FSTL4: variants seen among roughly 807,000 people sequenced by gnomAD.
FSTL4 encodes follistatin-related protein 4.
In FSTL4, 28 loss-of-function variants were observed where a neutral mutation model predicts 78.2. The ratio of observed to expected loss-of-function variants is 0.36; its 90% CI spans 0.27 to 0.49. FSTL4 has a LOEUF of 0.49. Among genes scored for constraint, FSTL4 ranks in the 20% least tolerant of loss-of-function variants. The pLI, the probability that FSTL4 is intolerant of heterozygous loss-of-function variation, is 0.98. For missense variants in FSTL4, 922 were observed against 1,084.9 expected, an observed-to-expected ratio of 0.85 and a Z score of 2.11; for synonymous variants, 422 against 440.5, an observed-to-expected ratio of 0.96 and a Z score of 0.53.
At chr5:133,582,148 G>A (rs73788162) in intron 2 of FSTL4, among the ~76,000 whole-genome samples, 1 of 152,194 alleles carries the variant, frequency 6.6e-6, no homozygotes, top group Non-Finnish European at 1.5e-5. Flanking sequence ...ACCGATGCCA[G>A]CTCAGTATCC....
At chr5:133,674,810 T>C in the FSTL4 span, among the ~76,000 whole-genome samples, 1 of 152,236 alleles carries the variant, frequency 6.6e-6, no homozygotes, top group Middle Eastern at 3.4e-3. Context: ...TCATAGGCGT[T>C]AGGGTAGGAA....
chr5:133,256,390 T>C (rs1174276283), intron 6 of FSTL4: 1 of 152,208 alleles, frequency 6.6e-6, no homozygotes, highest in Non-Finnish European at 1.5e-5. Flanking sequence ...CACTGTGAAG[T>C]TGGCGAGTAG....
At chr5:133,832,394 T>G in the FSTL4 span, among the ~76,000 whole-genome samples, 3 of 152,258 alleles carry the variant, frequency 2.0e-5, no homozygotes, top group Admixed American at 1.3e-4. Context: ...GCTGTTGTTA[T>G]CAAGTTGTAA....
intron 8 of FSTL4, 94 bp downstream of exon 8, chr5:133,233,323 T>C (rs911411711): frequency 9.4e-5 from 130 of 1,379,892 alleles, no homozygotes; most frequent in Non-Finnish European, 2.4e-5. Context: ...GATATTTCTT[T>C]AAGAAGACAG....
intron 2 of FSTL4, among the ~76,000 whole-genome samples, chr5:133,602,625 G>T (rs1760896389): frequency 6.6e-6 from 1 of 152,184 alleles, no homozygotes; most frequent in Non-Finnish European, 1.5e-5. Flanking sequence ...TCCCATAAGG[G>T]AAATGCTGTT....
intron 4 of FSTL4, among the ~76,000 whole-genome samples, chr5:133,332,202 A>C (rs999471546): frequency 2.6e-5 from 4 of 152,226 alleles, no homozygotes; most frequent in African/African-American, 9.6e-5. Flanking sequence ...ATGCATCTGC[A>C]CTGCTCACTC....
chr5:133,595,731 C>T (rs1233149648), intron 2 of FSTL4, among the ~76,000 whole-genome samples: 1 of 152,232 alleles, frequency 6.6e-6, no homozygotes, highest in African/African-American at 2.4e-5. Flanking sequence ...TGGAGGCAAT[C>T]TGTGCCGGGC....
intron 3 of FSTL4, among the ~76,000 whole-genome samples, chr5:133,481,725 C>A (rs1392465095): frequency 2.0e-5 from 3 of 152,106 alleles, no homozygotes; most frequent in Non-Finnish European, 2.9e-5. Flanking sequence ...CAGACATAGA[C>A]CCTACCTACA....
chr5:133,700,483 C>T, the FSTL4 span, among the ~76,000 whole-genome samples: 1 of 152,244 alleles, frequency 6.6e-6, no homozygotes, highest in Non-Finnish European at 1.5e-5. Flanking sequence ...AACCACCACA[C>T]CAAAAGTTTC....
chr5:133,510,248 T>C (rs9327653), intron 3 of FSTL4, among the ~76,000 whole-genome samples: 1 of 152,104 alleles, frequency 6.6e-6, no homozygotes, highest in Non-Finnish European at 1.5e-5. Context: ...TGTGAAACAA[T>C]AGACAACAGC....
At chr5:133,686,225 C>A in the FSTL4 span, among the ~76,000 whole-genome samples, 10 of 152,220 alleles carry the variant, frequency 6.6e-5, no homozygotes, top group Admixed American at 6.5e-4. Context: ...AGTCAGACTG[C>A]CTGCTTTCAG....
At chr5:133,786,953 C>T in the FSTL4 span, among the ~76,000 whole-genome samples, 1 of 152,112 alleles carries the variant, frequency 6.6e-6, no homozygotes, top group African/African-American at 2.4e-5. Flanking sequence ...AAGTGACTTG[C>T]TTGAGTTCCG....
the FSTL4 span, among the ~76,000 whole-genome samples, chr5:133,738,613 A>C: frequency 2.0e-5 from 3 of 152,180 alleles, no homozygotes; most frequent in Non-Finnish European, 4.4e-5. Flanking sequence ...CTCTCTAGGT[A>C]GTAACTCAGG....
chr5:133,784,535 C>G, the FSTL4 span, among the ~76,000 whole-genome samples: 3 of 152,170 alleles, frequency 2.0e-5, no homozygotes, highest in African/African-American at 7.2e-5. Context: ...GAAAACAGAT[C>G]TACAGTGGTT....
At chr5:133,353,471 C>T (rs983436311) in intron 4 of FSTL4, among the ~76,000 whole-genome samples, 26 of 152,296 alleles carry the variant, frequency 1.7e-4, no homozygotes, top group Admixed American at 1.1e-3. Context: ...AAAGAGGCCC[C>T]AGGCGTTCCT....
intron 4 of FSTL4, among the ~76,000 whole-genome samples, chr5:133,368,709 G>A (rs990904210): frequency 1.2e-4 from 19 of 152,268 alleles, no homozygotes; most frequent in African/African-American, 4.3e-4. Flanking sequence ...GGAAACAAAC[G>A]TGCACCAGAA....
At chr5:133,330,560 C>T (rs752764759) in intron 4 of FSTL4, among the ~76,000 whole-genome samples, 2 of 152,156 alleles carry the variant, frequency 1.3e-5, no homozygotes, top group Non-Finnish European at 2.9e-5. Context: ...ATCCAATCAC[C>T]TCCTACCAGG....
chr5:133,297,148 A>T (rs756623122), intron 6 of FSTL4, among the ~76,000 whole-genome samples: 1 of 152,254 alleles, frequency 6.6e-6, no homozygotes, highest in Non-Finnish European at 1.5e-5. Context: ...GTTACCAAAA[A>T]AACTGATTTT....
the FSTL4 span, among the ~76,000 whole-genome samples, chr5:133,667,136 A>G: frequency 1.3e-5 from 2 of 152,174 alleles, no homozygotes; most frequent in Admixed American, 6.5e-5. Context: ...CAAAAGGCCC[A>G]CACCTTGCTT....
Sources: gnomAD v4.1 joint callset for allele counts (sites outside exome capture counted in the v4.1 genomes callset) on GRCh38, gnomAD v4.1.1 for gene constraint, MANE v1.5 for transcripts, NCBI Gene and HGNC (gene_info 2026-07-23, HGNC 2026-07-21) for gene names.